STAG1: variants seen among roughly 807,000 people sequenced by gnomAD.
STAG1 encodes the protein cohesin subunit SA-1.
Under a neutral mutation model 170.9 loss-of-function variants are expected in STAG1, and 26 were observed. The observed-to-expected ratio is 0.15, with a 90% CI of 0.11 to 0.21. The LOEUF (loss-of-function observed/expected upper bound fraction) is 0.21. Among genes scored for constraint, STAG1 ranks in the 10% least tolerant of loss-of-function variants. STAG1 has a pLI of 1.00. For synonymous variants in STAG1, 514 were observed against 497.7 expected (o/e 1.03, Z -0.44); for missense variants, 964 against 1,509.5 (o/e 0.64, Z 5.99).
intron 5 of STAG1, among the ~76,000 whole-genome samples, chr3:136,550,493 G>C (rs1421663260): frequency 6.6e-6 from 1 of 151,986 alleles, no homozygotes; most frequent in Non-Finnish European, 1.5e-5. Context: ...ATTTTTAGTA[G>C]TGACAGGGTT....
intron 1 of STAG1, among the ~76,000 whole-genome samples, chr3:136,683,266 CA>C (rs1270515911): frequency 1.1e-5 from 1 of 88,428 alleles, no homozygotes; most frequent in Non-Finnish European, 2.2e-5. Context: ...TATTTCAACA[CA>C]ATTTTTTTTT....
chr3:136,589,220 C>T (rs1039773577), intron 4 of STAG1, among the ~76,000 whole-genome samples: 3 of 152,048 alleles, frequency 2.0e-5, no homozygotes, highest in Admixed American at 6.5e-5. Context: ...CAATCAAGGC[C>T]GGGCGCAGTG....
intron 14 of STAG1, among the ~76,000 whole-genome samples, chr3:136,446,326 AG>A (rs2088776280): frequency 6.6e-6 from 1 of 152,088 alleles, no homozygotes; most frequent in African/African-American, 2.4e-5. Context: ...TCACTTCCCT[AG>A]AAAACATGTT....
chr3:136,444,626 GAA>G (rs1432149407), intron 14 of STAG1, among the ~76,000 whole-genome samples: 1 of 152,192 alleles, frequency 6.6e-6, no homozygotes, highest in East Asian at 1.9e-4. Flanking sequence ...ATGCACAGTA[GAA>G]AGAGTGCATA....
chr3:136,491,388 C>T (rs2090122666), intron 9 of STAG1, among the ~76,000 whole-genome samples: 1 of 152,322 alleles, frequency 6.6e-6, no homozygotes. Context: ...CCCTTTATTA[C>T]TGTGATCTGG....
Position 136,396,604 on chromosome 3 carries a change from T to C in STAG1, c.2277+2145A>G, listed in dbSNP as rs529543883. 3.8e-5 allele frequency among the ~76,000 whole-genome samples: 5 copies of C among 131,714 alleles called. No homozygotes were observed. The East Asian group carries it at 9.9e-4, about 26-fold the overall frequency. The allele number at this position is 131,714 out of a possible 152,430, so 86.4% of individuals were successfully genotyped here. ...GTGCAGTGGCATGATCTTGGCTCAC[T>C]GCAACCTCCGCCTCCCGAGTTCAAG... On this transcript the variant is annotated intron_variant, in intron 22 of 33. Transcript: ENST00000383202.
intron 2 of STAG1, among the ~76,000 whole-genome samples, chr3:136,627,563 T>C (rs1266650128): frequency 1.3e-5 from 2 of 152,236 alleles, no homozygotes; most frequent in African/African-American, 4.8e-5. Flanking sequence ...AGTTTGTCTC[T>C]AGTTTTGCAC....
chr3:136,393,974 T>G (rs1273032257), intron 22 of STAG1, among the ~76,000 whole-genome samples: 1 of 152,168 alleles, frequency 6.6e-6, no homozygotes, highest in East Asian at 1.9e-4. Context: ...CAATCTTGGC[T>G]CACTGCAACC....
intron 13 of STAG1, among the ~76,000 whole-genome samples, chr3:136,462,699 A>G (rs2089308541): frequency 6.6e-6 from 1 of 152,182 alleles, no homozygotes; most frequent in Non-Finnish European, 1.5e-5. Flanking sequence ...GAAATAATAC[A>G]TATTTGAGGT....
intron 4 of STAG1, among the ~76,000 whole-genome samples, chr3:136,570,580 C>T (rs561220651): frequency 6.6e-6 from 1 of 152,342 alleles, no homozygotes; most frequent in South Asian, 2.1e-4. Flanking sequence ...TACACACACG[C>T]ATCAAGGCTT....
chr3:136,359,059 C>T (rs778543175), intron 27 of STAG1, 89 bp downstream of exon 27: 9 of 1,056,814 alleles, frequency 8.5e-6, no homozygotes, highest in Admixed American at 2.7e-5. Context: ...AAAATTCTAT[C>T]GTCACTTTAA....
At chr3:136,488,085 T>A (rs1449060260) in intron 9 of STAG1, among the ~76,000 whole-genome samples, 1 of 152,242 alleles carries the variant, frequency 6.6e-6, no homozygotes, top group Non-Finnish European at 1.5e-5. Flanking sequence ...GCTGGGCTAC[T>A]CCCAAATTCC....
At chr3:136,628,221 G>A (rs1208585915) in intron 2 of STAG1, among the ~76,000 whole-genome samples, 1 of 151,982 alleles carries the variant, frequency 6.6e-6, no homozygotes, top group African/African-American at 2.4e-5. Context: ...TGTGAAGAAG[G>A]TGCTTGCTTC....
intron 1 of STAG1, among the ~76,000 whole-genome samples, chr3:136,648,381 T>C (rs753832012): frequency 6.6e-6 from 1 of 152,152 alleles, no homozygotes; most frequent in Non-Finnish European, 1.5e-5. Flanking sequence ...TTATGTTAGG[T>C]AGTAAAAAGG....
chr3:136,422,818 T>C lies in STAG1; in HGVS notation c.1783A>G (p.Ile595Val). ...ATTTCTAAATCAAAATACTGTGGGA[T>C]TTGTAGCAAGTTTGCTACCTTCTCT... ...DAEKVANLLQ[I>V]PQYFDLEIYS... Residue 595 changes from isoleucine to valine, a missense_variant, in exon 18 of 34, where the codon ATC becomes GTC. This residue lies in a region of STAG1 where 232 missense variants were observed against 313.0 expected (regional missense o/e 0.74). Coordinates refer to ENST00000383202, the MANE Select transcript of STAG1 (RefSeq NM_005862.3). 6.2e-7 allele frequency: 1 copy of C among 1,610,010 alleles called. No homozygotes were observed. The highest frequency in any genetic ancestry group is 1.3e-5 in the African/African-American group (1 of 74,870).
chr3:136,715,000 T>C, intron 1 of STAG1, among the ~76,000 whole-genome samples: 1 of 111,538 alleles, frequency 9.0e-6, no homozygotes, highest in South Asian at 2.6e-4. Context: ...ATTTTATATA[T>C]ATAATATATA....
intron 4 of STAG1, among the ~76,000 whole-genome samples, chr3:136,585,662 T>C (rs895610537): frequency 2.0e-5 from 3 of 152,020 alleles, no homozygotes; most frequent in Non-Finnish European, 4.4e-5. Context: ...TTTTCACCAC[T>C]CTTTCCATCT....
intron 1 of STAG1, among the ~76,000 whole-genome samples, chr3:136,715,478 G>C (rs1943515834): frequency 1.3e-5 from 2 of 151,940 alleles, no homozygotes; most frequent in African/African-American, 4.8e-5. Flanking sequence ...AAATTAGCCA[G>C]GCATGGTGGT....
chr3:136,536,986 A>G lies in STAG1; in HGVS notation c.471+5133T>C, dbSNP rs190191050. ...TATTCAACATTTGCTCTTGTCCCCA[A>G]TAGATCGAACTGCAGGGTTCAGTCA... On this transcript the variant is annotated intron_variant, in intron 6 of 33. Transcript: ENST00000383202. Among the ~76,000 whole-genome samples, 1,174 of 152,312 alleles carry G rather than the reference A, an allele frequency of 7.7e-3. 7 individuals are homozygous for G. The highest frequency in any genetic ancestry group is 0.011 in the Non-Finnish European group (769 of 68,016).
Sources: gnomAD v4.1 joint callset for allele counts (sites outside exome capture counted in the v4.1 genomes callset) on GRCh38, gnomAD v4.1.1 for gene constraint, gnomAD v4.1.1 regional missense constraint, MANE v1.5 for transcripts, NCBI Gene and HGNC (gene_info 2026-07-23, HGNC 2026-07-21) for gene names.